Variants in C10orf67 observed in about 807,000 individuals in gnomAD.
C10orf67 encodes uncharacterized protein C10orf67, mitochondrial.
A neutral mutation model predicts 35.6 loss-of-function variants in C10orf67; 60 were observed. The ratio of observed to expected loss-of-function variants is 1.68; its 90% CI spans 1.37 to 2.09. C10orf67 has a LOEUF of 2.09. Among genes scored for constraint, C10orf67 ranks in the 30% most tolerant of loss-of-function variants. The probability of loss-of-function intolerance (pLI) is 0.00; values close to 1 mark genes in which losing one functional copy is unlikely to be tolerated. For missense variants in C10orf67, 474 were observed against 330.2 expected (o/e 1.44, Z -3.38); for synonymous variants, 167 against 115.8 (o/e 1.44, Z -2.84).
chr10:23,318,198 C>G (rs1206818665), intron 4 of C10orf67: 1 of 147,148 alleles, frequency 6.8e-6, no homozygotes, highest in Non-Finnish European at 1.5e-5. Context: ...AGAAGCACAG[C>G]AGGGATGGCC....
chr10:23,221,383 T>C (rs1841576612), intron 15 of C10orf67, among the ~76,000 whole-genome samples: 1 of 152,118 alleles, frequency 6.6e-6, no homozygotes, highest in Non-Finnish European at 1.5e-5. Flanking sequence ...GAGATTTGGG[T>C]GGGGACACAA....
At chr10:23,301,388 C>T (rs1334249457) in intron 5 of C10orf67, among the ~76,000 whole-genome samples, 5 of 152,176 alleles carry the variant, frequency 3.3e-5, no homozygotes, top group Non-Finnish European at 5.9e-5. Context: ...GTCTTAAGTC[C>T]GGTGGTCACG....
chr10:23,251,141 T>A (rs1842444622), intron 10 of C10orf67, among the ~76,000 whole-genome samples: 1 of 152,190 alleles, frequency 6.6e-6, no homozygotes, highest in African/African-American at 2.4e-5. Context: ...TATTTACTTG[T>A]AAATTACCAT....
At chr10:23,291,474 C>T (rs1272611547) in intron 5 of C10orf67, among the ~76,000 whole-genome samples, 195 bp from the exon 6 acceptor site, 1 of 152,188 alleles carries the variant, frequency 6.6e-6, no homozygotes, top group African/African-American at 2.4e-5. Flanking sequence ...GTACAAAGAC[C>T]TCAACACATG....
chr10:23,320,225 T>C (rs1408352815), intron 4 of C10orf67, among the ~76,000 whole-genome samples: 3 of 152,200 alleles, frequency 2.0e-5, no homozygotes, highest in African/African-American at 7.2e-5. Flanking sequence ...TATGGAAGTA[T>C]ATTGAAATGC....
intron 3 of C10orf67, among the ~76,000 whole-genome samples, chr10:23,321,041 A>C (rs1844934769): frequency 6.6e-6 from 1 of 152,238 alleles, no homozygotes; most frequent in Non-Finnish European, 1.5e-5. Context: ...AAATATATAC[A>C]GATAATTTGA....
chr10:23,272,269 C>G lies in C10orf67; in HGVS notation c.976-5015G>C, dbSNP rs944110623. ...AATTTGTTATTTAAGAAATCTTTGC[C>G]AAATCTGAGACCACTAAGATTATCT... On this transcript the variant is annotated intron_variant, in intron 8 of 15. Coordinates refer to ENST00000636213, the MANE Select transcript of C10orf67 (RefSeq NM_001371909.1). 2.0e-5 allele frequency among the ~76,000 whole-genome samples: 3 copies of G among 152,102 alleles called. No individual in the cohort carries two copies. In the South Asian group the frequency reaches 6.2e-4, roughly 32 times the overall value.
At chr10:23,305,967 GCA>G (rs149195889) in intron 4 of C10orf67, among the ~76,000 whole-genome samples, 27 of 149,320 alleles carry the variant, frequency 1.8e-4, no homozygotes, top group South Asian at 2.1e-4. Flanking sequence ...TTACATACGC[GCA>G]CACACACACA....
chr10:23,216,028 TAGAGAG>T (rs758620607), intron 15 of C10orf67, among the ~76,000 whole-genome samples: 2 of 152,134 alleles, frequency 1.3e-5, no homozygotes, highest in Non-Finnish European at 2.9e-5. Flanking sequence ...ATTATCCTGT[TAGAGAG>T]AGAAACCAAA....
At chr10:23,320,959 C>T in intron 3 of C10orf67, 144 bp from the exon 4 acceptor site, 1 of 601,768 alleles carries the variant, frequency 1.7e-6, no homozygotes, top group East Asian at 2.9e-5. Flanking sequence ...ATTTCTCCCA[C>T]CCTGCAGCCG....
intron 10 of C10orf67, among the ~76,000 whole-genome samples, chr10:23,256,268 C>T (rs1366167566): frequency 6.6e-6 from 1 of 152,142 alleles, no homozygotes; most frequent in Non-Finnish European, 1.5e-5. Context: ...TTCCAAAGTG[C>T]TGGAATATTA....
chr10:23,235,012 C>CAAAAAAAAAAAAAAAAAAAACCAA (rs57049730), intron 13 of C10orf67, among the ~76,000 whole-genome samples: 1 of 76,052 alleles, frequency 1.3e-5, no homozygotes, highest in Non-Finnish European at 2.6e-5. Context: ...AATTCCATCT[C>CAAAAAAAAAAAAAAAAAAAACCAA]AAAAAAAAAA....
intron 12 of C10orf67, among the ~76,000 whole-genome samples, chr10:23,244,609 A>C (rs1425061254): frequency 2.6e-5 from 4 of 152,192 alleles, no homozygotes; most frequent in African/African-American, 9.6e-5. Context: ...TAACAGTGTC[A>C]AAAAATAAAA....
At chr10:23,302,130 A>G (rs1486535678) in intron 5 of C10orf67, among the ~76,000 whole-genome samples, 1 of 152,182 alleles carries the variant, frequency 6.6e-6, no homozygotes, top group African/African-American at 2.4e-5. Context: ...CAGAGCTCCC[A>G]TACAAAGGGA....
chr10:23,342,218 C>CCACA (rs111662364), intron 1 of C10orf67, among the ~76,000 whole-genome samples: 6,566 of 149,650 alleles, frequency 0.044, 164 homozygotes, highest in Non-Finnish European at 0.055. Context: ...TCCCCACTTG[C>CCACA]CACACACACA....
At chr10:23,318,648 C>A in intron 4 of C10orf67, 1 of 432,126 alleles carries the variant, frequency 2.3e-6, no homozygotes, top group South Asian at 4.8e-5. Context: ...TCACAGATGC[C>A]TTTGGAAACA....
At chr10:23,287,862 G>GA (rs1485133724) in intron 7 of C10orf67, among the ~76,000 whole-genome samples, 2 of 152,166 alleles carry the variant, frequency 1.3e-5, no homozygotes, top group Admixed American at 1.3e-4. Context: ...CAACAAACGT[G>GA]AAAAAAAGCT....
intron 2 of C10orf67, among the ~76,000 whole-genome samples, chr10:23,323,246 A>G (rs780372106): frequency 1.3e-5 from 2 of 152,242 alleles, no homozygotes; most frequent in African/African-American, 2.4e-5. Context: ...TACTAGCACA[A>G]GCATTTAAAT....
At chr10:23,244,152 A>G (rs1195128425) in intron 12 of C10orf67, among the ~76,000 whole-genome samples, 7 of 152,164 alleles carry the variant, frequency 4.6e-5, no homozygotes, top group Non-Finnish European at 1.0e-4. Context: ...TGGTCTCTCA[A>G]AGTGCTGGGA....
Sources: allele counts gnomAD v4.1 joint callset (sites outside exome capture counted in the v4.1 genomes callset), GRCh38; gene constraint gnomAD v4.1.1; transcripts MANE v1.5; gene names NCBI Gene and HGNC (gene_info 2026-07-23, HGNC 2026-07-21).